Variants in TENM2 observed in about 807,000 individuals in gnomAD.
TENM2 encodes teneurin-2.
In TENM2, 52 loss-of-function variants were observed where a neutral mutation model predicts 245.2. The observed-to-expected ratio is 0.21, with a 90% CI of 0.17 to 0.27. TENM2 has a LOEUF of 0.27. Ranked by LOEUF, TENM2 falls within the 10% of genes least tolerant of loss-of-function variation. The probability of loss-of-function intolerance (pLI) is 1.00; values close to 1 mark genes in which losing one functional copy is unlikely to be tolerated. For missense variants in TENM2, 3,046 were observed against 3,666.8 expected, an observed-to-expected ratio of 0.83 and a Z score of 4.37; for synonymous variants, 1,363 against 1,438.9, an observed-to-expected ratio of 0.95 and a Z score of 1.19.
At chr5:167,368,733 G>C (rs567247761) in intron 1 of TENM2, among the ~76,000 whole-genome samples, 6 of 152,154 alleles carry the variant, frequency 3.9e-5, no homozygotes, top group South Asian at 2.1e-4. Flanking sequence ...GGTGAGGAAG[G>C]GGGTGCAGTG....
At chr5:168,126,509 T>C (rs902656782) in intron 11 of TENM2, among the ~76,000 whole-genome samples, 1 of 152,148 alleles carries the variant, frequency 6.6e-6, no homozygotes, top group African/African-American at 2.4e-5. Flanking sequence ...AGTCTACATT[T>C]CTAACGAGTT....
chr5:167,868,152 G>A (rs1264624889), intron 2 of TENM2, among the ~76,000 whole-genome samples: 6 of 152,030 alleles, frequency 3.9e-5, no homozygotes, highest in East Asian at 3.9e-4. Flanking sequence ...TCTGTGTTGT[G>A]GGAAGTTGTC....
intron 2 of TENM2, among the ~76,000 whole-genome samples, chr5:167,438,527 G>T (rs571149969): frequency 1.2e-4 from 19 of 152,092 alleles, no homozygotes; most frequent in African/African-American, 4.6e-4. Flanking sequence ...AAGTAGCTGG[G>T]ACTACAGGTG....
intron 2 of TENM2, among the ~76,000 whole-genome samples, chr5:167,681,104 CTATAAT>C (rs1381862736): frequency 6.6e-6 from 1 of 152,176 alleles, no homozygotes; most frequent in Non-Finnish European, 1.5e-5. Flanking sequence ...AATTTTTACT[CTATAAT>C]TATATATGCT....
the TENM2 span, among the ~76,000 whole-genome samples, chr5:167,068,510 A>G: frequency 1.3e-5 from 2 of 152,370 alleles, no homozygotes; most frequent in East Asian, 1.9e-4. Flanking sequence ...TTTTTAATGT[A>G]TAACCAAAGT....
chr5:167,702,368 C>T (rs1009394613), intron 2 of TENM2, among the ~76,000 whole-genome samples: 8 of 151,892 alleles, frequency 5.3e-5, no homozygotes, highest in African/African-American at 1.9e-4. Context: ...CTGCCTTTCA[C>T]GTGTGTCTAG....
At chr5:167,084,729 G>A in the TENM2 span, among the ~76,000 whole-genome samples, 1 of 151,964 alleles carries the variant, frequency 6.6e-6, no homozygotes, top group Non-Finnish European at 1.5e-5. Flanking sequence ...GTGGCATGAT[G>A]TTTATTATAA....
At chr5:167,570,143 A>G (rs1194702509) in intron 2 of TENM2, among the ~76,000 whole-genome samples, 1 of 152,188 alleles carries the variant, frequency 6.6e-6, no homozygotes. Flanking sequence ...GGCTGGGCGG[A>G]CAGTAAGCTC....
chr5:167,699,796 C>A (rs1758019288), intron 2 of TENM2, among the ~76,000 whole-genome samples: 1 of 152,162 alleles, frequency 6.6e-6, no homozygotes, highest in African/African-American at 2.4e-5. Flanking sequence ...CAGGCTTTTG[C>A]TGAACAGTTT....
At chr5:167,487,711 G>T (rs749614289) in intron 2 of TENM2, among the ~76,000 whole-genome samples, 1 of 152,112 alleles carries the variant, frequency 6.6e-6, no homozygotes, top group Non-Finnish European at 1.5e-5. Context: ...CAAATAAAGA[G>T]CTATGTTAAA....
At chr5:167,450,972 CTTA>C (rs1201758983) in intron 2 of TENM2, among the ~76,000 whole-genome samples, 6 of 152,100 alleles carry the variant, frequency 3.9e-5, no homozygotes, top group Non-Finnish European at 8.8e-5. Context: ...TGTACAGTCT[CTTA>C]TTTTTTTATC....
At chr5:167,387,819 T>C (rs1052900252) in intron 2 of TENM2, among the ~76,000 whole-genome samples, 1 of 152,194 alleles carries the variant, frequency 6.6e-6, no homozygotes, top group African/African-American at 2.4e-5. Flanking sequence ...GTGAATCACA[T>C]TTATTGACTT....
chr5:168,252,813 C>T (rs1171779661), intron 27 of TENM2, among the ~76,000 whole-genome samples: 1 of 150,826 alleles, frequency 6.6e-6, no homozygotes, highest in Non-Finnish European at 1.5e-5. Flanking sequence ...CACCATTGCA[C>T]TCCAGTCTGA....
the TENM2 span, among the ~76,000 whole-genome samples, chr5:167,115,390 T>C: frequency 6.6e-6 from 1 of 152,232 alleles, no homozygotes; most frequent in Non-Finnish European, 1.5e-5. Context: ...TTATTCTTGA[T>C]ACGAAGGGCT....
chr5:167,929,399 T>G (rs925136911), intron 3 of TENM2, among the ~76,000 whole-genome samples: 2 of 152,200 alleles, frequency 1.3e-5, no homozygotes, highest in African/African-American at 4.8e-5. Context: ...TCTGAGTCTA[T>G]GCAAAAGCAT....
intron 23 of TENM2, among the ~76,000 whole-genome samples, chr5:168,223,739 G>C (rs1466425379): frequency 1.3e-5 from 2 of 152,042 alleles, no homozygotes; most frequent in Admixed American, 1.3e-4. Flanking sequence ...TGCTGGGATT[G>C]ATTACGGGCA....
chr5:167,166,176 G>T, the TENM2 span, among the ~76,000 whole-genome samples: 1 of 152,094 alleles, frequency 6.6e-6, no homozygotes, highest in African/African-American at 2.4e-5. Flanking sequence ...GACAGGCCAG[G>T]CTTATGTTTA....
At chr5:167,841,561 T>C (rs1055190581) in intron 2 of TENM2, among the ~76,000 whole-genome samples, 3 of 152,210 alleles carry the variant, frequency 2.0e-5, no homozygotes, top group Admixed American at 2.0e-4. Context: ...GAGATCCCCA[T>C]GCACATCGTG....
intron 11 of TENM2, among the ~76,000 whole-genome samples, chr5:168,126,514 C>T (rs1795861435): frequency 6.6e-6 from 1 of 152,168 alleles, no homozygotes; most frequent in South Asian, 2.1e-4. Flanking sequence ...ACATTTCTAA[C>T]GAGTTCCCAG....
Sources: allele counts gnomAD v4.1 joint callset (sites outside exome capture counted in the v4.1 genomes callset), GRCh38; gene constraint gnomAD v4.1.1; transcripts MANE v1.5; gene names NCBI Gene and HGNC (gene_info 2026-07-23, HGNC 2026-07-21).